KLK3: variants seen among roughly 807,000 people sequenced by gnomAD.
The protein encoded by KLK3 is kallikrein related peptidase 3, also known as prostate-specific antigen.
A neutral mutation model predicts 27.7 loss-of-function variants in KLK3; 23 were observed. That is an observed-to-expected ratio of 0.83 (90% CI 0.60 to 1.17). KLK3 has a LOEUF of 1.17. Ranked by LOEUF, KLK3 falls within the 50% of genes most tolerant of loss-of-function variation. The pLI, the probability that KLK3 is intolerant of heterozygous loss-of-function variation, is 0.00. For missense variants in KLK3, 322 were observed against 338.1 expected (o/e 0.95, Z 0.37); for synonymous variants, 142 against 134.2 (o/e 1.06, Z -0.40).
intron 2 of KLK3, 162 bp from the exon 3 acceptor site, chr19:50,857,867 C>T: frequency 3.0e-6 from 2 of 674,766 alleles, no homozygotes; most frequent in South Asian, 4.1e-5. Flanking sequence ...CTGCTGTTTC[C>T]CAACTCGTTG....
At position 50,860,156 on chromosome 19, in the gene KLK3, A is replaced by C; in HGVS notation, c.*29A>C. 1.3e-6 allele frequency: 2 copies of C among 1,551,974 alleles called. No homozygotes were observed. The highest frequency in any genetic ancestry group is 1.8e-6 in the Non-Finnish European group (2 of 1,128,342). ...CCCCTATCAACCCCCTATTGTAGTA[A>C]ACTTGGAACCTTGGAAATGACCAGG... On this transcript the variant is annotated 3_prime_UTR_variant, in exon 5 of 5. Transcript: ENST00000326003.
intron 1 of KLK3, chr19:50,855,337 A>G: frequency 2.7e-6 from 1 of 376,292 alleles, no homozygotes. Context: ...GACCTCTCTC[A>G]ATGCCATTGG....
At chr19:50,856,766 C>T (rs764667440) in intron 2 of KLK3, 29 of 206,010 alleles carry the variant, frequency 1.4e-4, no homozygotes, top group Non-Finnish European at 2.4e-4. Context: ...GTGTGTCTCA[C>T]CCTGTATCTC....
chr19:50,856,513 G>A (rs1479901542), intron 2 of KLK3, 114 bp downstream of exon 2: 1 of 1,352,074 alleles, frequency 7.4e-7, no homozygotes, highest in South Asian at 1.4e-5. Flanking sequence ...GGGAGAGAGG[G>A]AAAGTTCTGG....
Position 50,858,133 on chromosome 19 carries a change from G to A in KLK3, c.311G>A (p.Ser104Asn). The A allele has an allele frequency of 3.7e-6, 6 of 1,614,100 alleles. No homozygotes were observed. Among genetic ancestry groups the A allele is most frequent in the Non-Finnish European group, 5.1e-6 (6 of 1,180,002 alleles). Residue 104 changes from serine (S) to asparagine (N), a missense_variant, in exon 3 of 5, where the codon AGC becomes AAC. Coordinates refer to ENST00000326003, the MANE Select transcript of KLK3 (RefSeq NM_001648.2). Reference protein sequence around the residue: ...HSFPHPLYDMSLLKNRFLRPG... With the variant: ...HSFPHPLYDMNLLKNRFLRPG... ...TTCCCACACCCGCTCTACGATATGA[G>A]CCTCCTGAAGAATCGATTCCTCAGG...
At chr19:50,859,834 G>C in intron 4 of KLK3, 138 bp from the exon 5 acceptor site, 1 of 1,489,670 alleles carries the variant, frequency 6.7e-7, no homozygotes, top group Non-Finnish European at 8.9e-7. Flanking sequence ...TCTGGAAGTC[G>C]GCTCTGGAGA....
intron 4 of KLK3, chr19:50,859,659 G>T: frequency 6.2e-7 from 1 of 1,606,124 alleles, no homozygotes; most frequent in Non-Finnish European, 8.5e-7. Context: ...AGGAGCCACG[G>T]GGACAGCATC....
At chr19:50,855,996 G>C (rs2123456697) in intron 1 of KLK3, 1 of 491,874 alleles carries the variant, frequency 2.0e-6, no homozygotes. Flanking sequence ...CTGATCCCTG[G>C]GTTCAACTCT....
intron 2 of KLK3, 121 bp downstream of exon 2, chr19:50,856,520 C>A: frequency 7.7e-7 from 1 of 1,298,706 alleles, no homozygotes; most frequent in Non-Finnish European, 1.1e-6. Flanking sequence ...AGGGAAAGTT[C>A]TGGTTCAGGT....
At chr19:50,859,291 T>C (rs2090169194) in intron 4 of KLK3, among the ~76,000 whole-genome samples, 1 of 151,534 alleles carries the variant, frequency 6.6e-6, no homozygotes, top group Non-Finnish European at 1.5e-5. Context: ...TCAGGAACTG[T>C]GGATGGTGCT....
chr19:50,858,071 T>C lies in KLK3; in HGVS notation c.249T>C (p.Pro83=), dbSNP rs771342720. 6.2e-7 allele frequency: 1 copy of C among 1,613,882 alleles called. No individual in the cohort carries two copies. The highest frequency in any genetic ancestry group is 1.1e-5 in the South Asian group (1 of 91,080). Reference sequence around the variant, plus strand: ...TGGGTCGGCACAGCCTGTTTCATCCTGAAGACACAGGCCAGGTATTTCAGG... The same window carrying C: ...TGGGTCGGCACAGCCTGTTTCATCCCGAAGACACAGGCCAGGTATTTCAGG... ...ILLGRHSLFH[P]EDTGQVFQVS... is the part of the protein sequence containing the mutation. Residue 83 remains proline, a synonymous_variant, in exon 3 of 5, where the codon CCT becomes CCC. Coordinates refer to ENST00000326003, the MANE Select transcript of KLK3 (RefSeq NM_001648.2).
At chr19:50,856,714 A>C in intron 2 of KLK3, 9 of 292,330 alleles carry the variant, frequency 3.1e-5, no homozygotes, top group East Asian at 8.4e-5. Flanking sequence ...CAGTCTCCAT[A>C]TCTCCCCCTC....
At position 50,859,705 on chromosome 19, in the gene KLK3, T is replaced by C. The variant is rs2090172638; in HGVS notation, c.631-267T>C. On this transcript the variant is annotated intron_variant, in intron 4 of 4. Coordinates refer to ENST00000326003, the MANE Select transcript of KLK3 (RefSeq NM_001648.2). ...TCCTGGCCCTTGTCCCACCGACCTG[T>C]CTACAAGGACTGTCCTCGTGGACCC... The C allele has an allele frequency of 2.5e-6, 4 of 1,578,204 alleles. No individual in the cohort carries two copies. The Admixed American group carries it at 6.8e-5, about 27-fold the overall frequency.
In KLK3 at chr19:50,860,674, T is replaced by TG. The variant is rs780652548; in HGVS notation, c.*553dup. The TG allele has an allele frequency of 6.6e-6, 1 of 152,232 alleles. No homozygotes were observed. The highest frequency in any genetic ancestry group is 2.4e-5 in the African/African-American group (1 of 41,398). 9.4% of individuals were successfully genotyped at this position (152,232 alleles called of 1,614,324 possible). A position where few individuals can be genotyped will look rare whatever the true frequency, so the allele number is the denominator to read the frequency against. On this transcript the variant is annotated 3_prime_UTR_variant, in exon 5 of 5. Coordinates refer to ENST00000326003, the MANE Select transcript of KLK3 (RefSeq NM_001648.2). ...GGACCCCCTGGAAGCTGATTCACTA[T>TG]GGGGGGAGGTGTATTGAAGTCCTCC...
chr19:50,857,162 CAAAAA>C (rs560911495), intron 2 of KLK3, among the ~76,000 whole-genome samples: 4 of 46,424 alleles, frequency 8.6e-5, no homozygotes, highest in Non-Finnish European at 8.3e-5. Flanking sequence ...GACTCCGCCT[CAAAAA>C]AAAAAAAAAA....
Position 50,859,446 on chromosome 19 carries a change from C to T in KLK3, c.631-526C>T, listed in dbSNP as rs897918982. On this transcript the variant is annotated intron_variant, in intron 4 of 4. Transcript: ENST00000326003. ...CCTGGGGGTGGCTCCAGGCATTGTCCCCACCTGGGCCCTTACCCAGCCTCC... is the reference window on the plus strand; with the variant it reads ...CCTGGGGGTGGCTCCAGGCATTGTCTCCACCTGGGCCCTTACCCAGCCTCC... 6.3e-6 allele frequency: 7 copies of T among 1,118,566 alleles called. No homozygotes were observed. The Admixed American group carries it at 1.2e-4, about 19-fold the overall frequency. 69.3% of individuals were successfully genotyped at this position (1,118,566 alleles called of 1,614,324 possible).
chr19:50,858,684 T>C, intron 4 of KLK3, 89 bp downstream of exon 4: 5 of 1,436,352 alleles, frequency 3.5e-6, no homozygotes, highest in Non-Finnish European at 4.8e-6. Context: ...ACAAGGCGTC[T>C]GCCTCCCCTG....
chr19:50,854,955 C>G lies in KLK3; in HGVS notation c.-1C>G. ...ACCTGCACCCGGAGAGCTGTGTCAC[C>G]ATGTGGGTCCCGGTTGTCTTCCTCA... On this transcript the variant is annotated 5_prime_UTR_variant, in exon 1 of 5. Transcript: ENST00000326003. The G allele has an allele frequency of 6.2e-7, 1 of 1,613,820 alleles. No individual in the cohort carries two copies. The highest frequency in any genetic ancestry group is 1.7e-5 in the Admixed American group (1 of 59,994).
rs1460551339 is a variant in KLK3, at chr19:50,860,134, CT to C, written c.*8del. The C allele has an allele frequency of 6.2e-7, 1 of 1,602,072 alleles. No individual in the cohort carries two copies. Among genetic ancestry groups the C allele is most frequent in the South Asian group, 1.1e-5 (1 of 90,614 alleles). ...CATCGTGGCCAACCCCTGAGCACCCCTATCAACCCCCTATTGTAGTAAACTT... is the reference window on the plus strand; with the variant it reads ...CATCGTGGCCAACCCCTGAGCACCCCATCAACCCCCTATTGTAGTAAACTT... On this transcript the variant is annotated 3_prime_UTR_variant, in exon 5 of 5. Coordinates refer to ENST00000326003, the MANE Select transcript of KLK3 (RefSeq NM_001648.2).
Sources: allele counts gnomAD v4.1 joint callset (sites outside exome capture counted in the v4.1 genomes callset), GRCh38; gene constraint gnomAD v4.1.1; transcripts MANE v1.5; gene names NCBI Gene and HGNC (gene_info 2026-07-23, HGNC 2026-07-21).